The following RBM26 variants were observed in gnomAD, a reference collection of about 807,000 sequenced individuals.
RBM26 encodes RNA-binding protein 26.
In RBM26, 30 loss-of-function variants were observed where a neutral mutation model predicts 123.6. The observed-to-expected ratio is 0.24, with a 90% CI of 0.18 to 0.33. The LOEUF (loss-of-function observed/expected upper bound fraction) is 0.33, where lower values mean the gene tolerates loss of function less well. Ranked by LOEUF, RBM26 falls within the 10% of genes least tolerant of loss-of-function variation. The pLI, the probability that RBM26 is intolerant of heterozygous loss-of-function variation, is 1.00. For synonymous variants in RBM26, 400 were observed against 404.4 expected (o/e 0.99, Z 0.13); for missense variants, 947 against 1,203.6 (o/e 0.79, Z 3.15).
Position 79,330,122 on chromosome 13 carries a change from A to G in RBM26, c.2820+4222T>C, listed in dbSNP as rs565049185. ...TATGTGAATACATTTTATAATTCTA[A>G]TTTCTATACTATAAAATGTACACAA... On this transcript the variant is annotated intron_variant, in intron 20 of 21. Coordinates refer to ENST00000438737, the MANE Select transcript of RBM26 (RefSeq NM_001366735.2). 2.0e-5 allele frequency among the ~76,000 whole-genome samples: 3 copies of G among 152,278 alleles called. No individual in the cohort carries two copies. The East Asian group carries it at 5.8e-4, about 29-fold the overall frequency.
At chr13:79,370,837 A>G (rs2075808375) in intron 5 of RBM26, 108 bp downstream of exon 5, 1 of 1,186,484 alleles carries the variant, frequency 8.4e-7, no homozygotes, top group African/African-American at 1.5e-5. Context: ...CACAGAATAC[A>G]TCATAATAGA....
chr13:79,314,854 C>T, downstream of RBM26: 1 of 549,666 alleles, frequency 1.8e-6, no homozygotes, highest in Admixed American at 3.2e-5. Flanking sequence ...AATTATAGTA[C>T]ATGTAAACAT....
downstream of RBM26, among the ~76,000 whole-genome samples, chr13:79,316,743 A>G (rs1442501317): frequency 6.6e-6 from 1 of 151,814 alleles, no homozygotes; most frequent in Non-Finnish European, 1.5e-5. Flanking sequence ...ATTGGGTGAA[A>G]TAAGTAAAAC....
intron 1 of RBM26, among the ~76,000 whole-genome samples, chr13:79,404,988 G>A (rs1462767839): frequency 1.3e-5 from 2 of 152,144 alleles, no homozygotes; most frequent in East Asian, 1.9e-4. Flanking sequence ...TTTGGTCCAT[G>A]TCATATTTTG....
At chr13:79,322,554 G>A in intron 20 of RBM26, 92 bp from the exon 21 acceptor site, 3 of 767,686 alleles carry the variant, frequency 3.9e-6, no homozygotes, top group South Asian at 4.1e-5. Flanking sequence ...AATTAAAATA[G>A]CTAAAGACAA....
chr13:79,358,140 C>T, intron 11 of RBM26, 134 bp downstream of exon 11: 1 of 733,966 alleles, frequency 1.4e-6, no homozygotes, highest in Non-Finnish European at 2.0e-6. Context: ...GCCTTGGCCT[C>T]CCAAAGTGCT....
intron 10 of RBM26, among the ~76,000 whole-genome samples, chr13:79,358,896 T>C (rs149792891): frequency 5.8e-4 from 88 of 152,282 alleles, no homozygotes; most frequent in Non-Finnish European, 1.0e-3. Context: ...AAAAAAGAAT[T>C]GTTGGAACTA....
intron 1 of RBM26, among the ~76,000 whole-genome samples, chr13:79,388,698 T>C (rs1422807481): frequency 1.3e-5 from 2 of 152,194 alleles, no homozygotes; most frequent in Non-Finnish European, 2.9e-5. Context: ...TTAACAACTT[T>C]AGAGACTGGT....
chr13:79,366,389 G>T (rs920126401), intron 7 of RBM26, among the ~76,000 whole-genome samples, 194 bp from the exon 8 acceptor site: 2 of 152,102 alleles, frequency 1.3e-5, no homozygotes, highest in African/African-American at 2.4e-5. Flanking sequence ...AAGCTATGAA[G>T]GCCTGCAGGC....
chr13:79,316,305 G>GT (rs939585937), downstream of RBM26, among the ~76,000 whole-genome samples: 27 of 151,356 alleles, frequency 1.8e-4, no homozygotes, highest in African/African-American at 6.3e-4. Context: ...TACATTGTGT[G>GT]TAAGGAGGGA....
At position 79,366,085 on chromosome 13, in the gene RBM26, G is replaced by A. The variant is rs143505765; in HGVS notation, c.1246C>T (p.Pro416Ser). 2 of 1,614,000 alleles carry A rather than the reference G, an allele frequency of 1.2e-6. No homozygotes were observed. Among genetic ancestry groups the A allele is most frequent in the African/African-American group, 2.7e-5 (2 of 74,926 alleles). Reference sequence around the variant, plus strand: ...GTAAAAAGAGAGGGTGGAGCAGGAGGAGGCTGGTGATGAATGCCAGTTGTT... The same window carrying A: ...GTAAAAAGAGAGGGTGGAGCAGGAGAAGGCTGGTGATGAATGCCAGTTGTT... ...VVTTGIHHQP[P>S]PAPPSLFTAD... Residue 416 changes from proline to serine, a missense_variant, in exon 8 of 22, where the codon CCT becomes TCT. Pro to Ser is a moderately conservative substitution (Grantham distance 74). Transcript: ENST00000438737.
chr13:79,379,669 T>A, intron 1 of RBM26, among the ~76,000 whole-genome samples: 1 of 148,764 alleles, frequency 6.7e-6, no homozygotes, highest in South Asian at 2.1e-4. Flanking sequence ...ATCCATATTA[T>A]CAAAAAAGTA....
chr13:79,367,426 AAAAAAAG>A (rs1466321599), intron 6 of RBM26, among the ~76,000 whole-genome samples: 2,582 of 48,970 alleles, frequency 0.053, 150 homozygotes, highest in African/African-American at 0.1. Flanking sequence ...AAAAAAAAAA[AAAAAAAG>A]AAGAAGAAGA....
chr13:79,313,053 T>A (rs1431908037), exon 5 of RBM26: 2 of 151,990 alleles, frequency 1.3e-5, no homozygotes, highest in East Asian at 1.9e-4. Context: ...AGCAGCTTAA[T>A]AGTGTAAAAT....
chr13:79,369,030 T>G (rs1160921282), intron 5 of RBM26, 40 bp from the exon 6 acceptor site: 2 of 1,285,470 alleles, frequency 1.6e-6, no homozygotes, highest in Non-Finnish European at 2.0e-6. Context: ...CTACACTGTA[T>G]TAAAAAAAAA....
At chr13:79,322,818 C>T (rs781566566) in intron 20 of RBM26, among the ~76,000 whole-genome samples, 25 of 151,080 alleles carry the variant, frequency 1.7e-4, no homozygotes, top group Non-Finnish European at 3.7e-4. Context: ...GATGACAATC[C>T]CAAGGTACTT....
intron 9 of RBM26, among the ~76,000 whole-genome samples, chr13:79,364,169 C>G (rs994113572): frequency 6.6e-6 from 1 of 152,058 alleles, no homozygotes; most frequent in African/African-American, 2.4e-5. Flanking sequence ...TGAAATTCCT[C>G]AAAGAGAATT....
chr13:79,353,307 A>T, intron 13 of RBM26, 83 bp from the exon 14 acceptor site: 1 of 782,428 alleles, frequency 1.3e-6, no homozygotes. Flanking sequence ...TGATTCTACT[A>T]ATATATACAG....
rs758024645 is a variant in RBM26, at chr13:79,355,273, C to T, written c.1801G>A (p.Val601Ile). The T allele has an allele frequency of 6.2e-7, 1 of 1,614,014 alleles. No homozygotes were observed. The highest frequency in any genetic ancestry group is 8.5e-7 in the Non-Finnish European group (1 of 1,179,924). The part of the protein sequence containing the change: ...EAVLNNRFIK[V>I]YWHREGSTQQ... ...GTGCTTCCTTCTCTGTGCCAATAAA[C>T]CTTAATAAAGCGATTGTTTAATACT... is the stretch of plus-strand genomic sequence containing the variant. The change falls in exon 12 of 22, where the codon GTT becomes ATT. Residue 601 changes from valine to isoleucine, a missense_variant. Physicochemically the swap from Val to Ile is conservative, Grantham distance 29 (BLOSUM62 3). Transcript: ENST00000438737.
Sources: allele counts gnomAD v4.1 joint callset (sites outside exome capture counted in the v4.1 genomes callset), GRCh38; gene constraint gnomAD v4.1.1; transcripts MANE v1.5; gene names NCBI Gene and HGNC (gene_info 2026-07-23, HGNC 2026-07-21).